The following EPN2 variants were observed in gnomAD, a reference collection of about 807,000 sequenced individuals.
The protein encoded by EPN2 is epsin 2, also known as epsin-2.
Under a neutral mutation model 61.7 loss-of-function variants are expected in EPN2, and 34 were observed. The observed-to-expected ratio is 0.55, with a 90% CI of 0.42 to 0.73. The LOEUF (loss-of-function observed/expected upper bound fraction) is 0.73, where lower values mean the gene tolerates loss of function less well. Ranked by LOEUF, EPN2 falls within the 30% of genes least tolerant of loss-of-function variation. The pLI, the probability that EPN2 is intolerant of heterozygous loss-of-function variation, is 0.00. For synonymous variants in EPN2, 349 were observed against 353.6 expected (o/e 0.99, Z 0.15); for missense variants, 714 against 839.2 (o/e 0.85, Z 1.84).
chr17:19,310,395 G>T (rs539726753), intron 5 of EPN2, among the ~76,000 whole-genome samples: 1 of 152,098 alleles, frequency 6.6e-6, no homozygotes, highest in Non-Finnish European at 1.5e-5. Flanking sequence ...CCCAGCCCCC[G>T]CCAAGCACTT....
rs188106904 is a variant in EPN2 at position 19,265,698 on chromosome 17, G to T, written c.-293-16257G>T. Among the ~76,000 whole-genome samples the T allele has an allele frequency of 1.5e-3, 232 of 152,088 alleles. 4 individuals are homozygous for T. Among genetic ancestry groups the T allele is most frequent in the African/African-American group, 5.2e-3 (217 of 41,464 alleles). On this transcript the variant is annotated intron_variant, in intron 1 of 10. Coordinates refer to ENST00000314728, the MANE Select transcript of EPN2 (RefSeq NM_014964.5). Reference sequence around the variant, plus strand: ...CCTGCTCCTCTGAGATGAACATGTTGGCCACAGTGCCCCTCCTGTGCCCTG... The same window carrying T: ...CCTGCTCCTCTGAGATGAACATGTTTGCCACAGTGCCCCTCCTGTGCCCTG...
intron 1 of EPN2, among the ~76,000 whole-genome samples, chr17:19,271,349 G>A (rs1290953370): frequency 2.0e-5 from 3 of 152,182 alleles, no homozygotes; most frequent in Non-Finnish European, 4.4e-5. Flanking sequence ...GCTGGGTGGG[G>A]GAAATGGCAG....
At chr17:19,267,728 A>G (rs1288806676) in intron 1 of EPN2, among the ~76,000 whole-genome samples, 1 of 152,084 alleles carries the variant, frequency 6.6e-6, no homozygotes, top group Non-Finnish European at 1.5e-5. Context: ...TTTTTAATAG[A>G]GATGGGGTTT....
In EPN2 at chr17:19,318,549, C is replaced by CAA. The variant is rs58660254; in HGVS notation, c.1147+5287_1147+5288dup. ...TGGGCAACAGAGCGAGACTCCATCT[C>CAA]AAAAAAAAAAAAAAAAAAGAGTAGG... On this transcript the variant is annotated intron_variant, in intron 7 of 10. Coordinates refer to ENST00000314728, the MANE Select transcript of EPN2 (RefSeq NM_014964.5). Among the ~76,000 whole-genome samples, 46 of 24,786 alleles carry CAA rather than the reference C, an allele frequency of 1.9e-3. 6 individuals carry two copies. Among genetic ancestry groups the CAA allele is most frequent in the East Asian group, 3.2e-3 (9 of 2,772 alleles). 16.3% of individuals were successfully genotyped at this position (24,786 alleles called of 152,430 possible). A position where few individuals can be genotyped will look rare whatever the true frequency, so the allele number is the denominator to read the frequency against.
rs1372968473 is a variant in EPN2 at position 19,283,739 on chromosome 17, C to T, written c.595+25C>T. On this transcript the variant is annotated intron_variant, in intron 3 of 10. Transcript: ENST00000314728. This position sits in a 1 kb window ranked among gnomAD's most constrained non-coding sequence, Gnocchi z 7.0. ...TGTGAGTAATGGAAGTGCTTCTCAC[C>T]CTTTGCCAGAGCAGCAGCAATGGGT... The T allele has an allele frequency of 6.6e-7, 1 of 1,512,666 alleles. No individual in the cohort carries two copies. Among genetic ancestry groups the T allele is most frequent in the Non-Finnish European group, 8.9e-7 (1 of 1,125,458 alleles). The allele number at this position is 1,512,666 out of a possible 1,614,324, so 93.7% of individuals were successfully genotyped here. A position where few individuals can be genotyped will look rare whatever the true frequency, so the allele number is the denominator to read the frequency against.
intron 1 of EPN2, among the ~76,000 whole-genome samples, chr17:19,246,710 G>T (rs1483960106): frequency 6.8e-6 from 1 of 147,260 alleles, no homozygotes; most frequent in Non-Finnish European, 1.5e-5. Flanking sequence ...ATAAAGGGAC[G>T]CAGTTGTTTT....
intron 1 of EPN2, among the ~76,000 whole-genome samples, chr17:19,271,164 T>G (rs1212581675): frequency 8.1e-5 from 12 of 147,386 alleles, no homozygotes; most frequent in Admixed American, 2.0e-4. Flanking sequence ...CTCAGGGGGG[T>G]GGTGTGGGGG....
At chr17:19,244,663 T>A (rs2152199280) in intron 1 of EPN2, among the ~76,000 whole-genome samples, 1 of 152,272 alleles carries the variant, frequency 6.6e-6, no homozygotes, top group South Asian at 2.1e-4. Context: ...AACTTGTCCA[T>A]CAAAACCGAA....
chr17:19,329,751 T>A (rs1243654375), intron 9 of EPN2, 104 bp downstream of exon 9: 1 of 679,706 alleles, frequency 1.5e-6, no homozygotes, highest in Non-Finnish European at 2.5e-6. Flanking sequence ...CTTCCTGCAT[T>A]TTCTTTGTAT....
At chr17:19,300,304 G>A (rs1567860087) in intron 4 of EPN2, among the ~76,000 whole-genome samples, 1 of 152,268 alleles carries the variant, frequency 6.6e-6, no homozygotes, top group East Asian at 1.9e-4. Context: ...TATGCCATAG[G>A]GAAGGAGTGG....
intron 1 of EPN2, among the ~76,000 whole-genome samples, chr17:19,255,503 C>G (rs2045066215): frequency 7.2e-6 from 1 of 138,448 alleles, no homozygotes; most frequent in Non-Finnish European, 1.6e-5. Context: ...CTCTGGATTT[C>G]TTTAACCCAG....
chr17:19,299,360 C>T (rs1242320837), intron 4 of EPN2, among the ~76,000 whole-genome samples: 1 of 152,246 alleles, frequency 6.6e-6, no homozygotes, highest in East Asian at 1.9e-4. Flanking sequence ...GGCTTCAGAA[C>T]CCCTCCTCCC....
chr17:19,307,894 A>G (rs1905929740), intron 4 of EPN2: 1 of 985,356 alleles, frequency 1.0e-6, no homozygotes, highest in Non-Finnish European at 1.2e-6. Context: ...CAGCTATCTG[A>G]AAGCCTCCTT....
chr17:19,261,804 G>A (rs1197815071), intron 1 of EPN2, among the ~76,000 whole-genome samples: 2 of 152,224 alleles, frequency 1.3e-5, no homozygotes, highest in Non-Finnish European at 2.9e-5. Context: ...CATGTCCAGT[G>A]TATGTAGTCA....
chr17:19,320,826 T>C (rs900770228), intron 7 of EPN2, among the ~76,000 whole-genome samples: 1 of 152,248 alleles, frequency 6.6e-6, no homozygotes, highest in Non-Finnish European at 1.5e-5. Context: ...AAGTGGTCAC[T>C]GAACTCCAGT....
rs1018258811 is a variant in EPN2 at position 19,334,512 on chromosome 17, C to T, written c.*258C>T. ...GGCAGGGCTCCTCTGAGGCCTTGGA[C>T]GAGGACGTGGAGTCATCAGTGTTGC... On this transcript the variant is annotated 3_prime_UTR_variant, in exon 11 of 11. Coordinates refer to ENST00000314728, the MANE Select transcript of EPN2 (RefSeq NM_014964.5). This position sits in a 1 kb window ranked among gnomAD's most constrained non-coding sequence, Gnocchi z 4.9. 11 of 348,146 alleles carry T rather than the reference C, an allele frequency of 3.2e-5. No homozygotes were observed. In the Admixed American group the frequency reaches 4.3e-4, roughly 14 times the overall value. 21.6% of individuals were successfully genotyped at this position (348,146 alleles called of 1,614,324 possible).
chr17:19,318,118 G>A (rs1431441781), intron 7 of EPN2, among the ~76,000 whole-genome samples: 1 of 152,214 alleles, frequency 6.6e-6, no homozygotes, highest in Non-Finnish European at 1.5e-5. Context: ...ACTAGACAGA[G>A]CCCACCCACG....
intron 1 of EPN2, chr17:19,276,437 C>A (rs2045306698): frequency 8.1e-6 from 1 of 123,272 alleles, no homozygotes; most frequent in Admixed American, 1.1e-4. Flanking sequence ...GTCTTGAACT[C>A]CTGGGCTCAA....
At chr17:19,237,867 C>A (rs2044834898) in intron 1 of EPN2, among the ~76,000 whole-genome samples, 1 of 152,192 alleles carries the variant, frequency 6.6e-6, no homozygotes, top group African/African-American at 2.4e-5. Flanking sequence ...TACCTCGGAT[C>A]CTGGAGCCCC....
Sources: allele counts gnomAD v4.1 joint callset (sites outside exome capture counted in the v4.1 genomes callset), GRCh38; gene constraint gnomAD v4.1.1; non-coding constraint Gnocchi (gnomAD v3.1); transcripts MANE v1.5; gene names NCBI Gene and HGNC (gene_info 2026-07-23, HGNC 2026-07-21).